LINGO2: variants seen among roughly 807,000 people sequenced by gnomAD.
The protein encoded by LINGO2 is leucine-rich repeat and immunoglobulin-like domain-containing nogo receptor-interacting protein 2.
LINGO2 carries 14 observed loss-of-function variants against 30.6 expected under a neutral mutation model. That is an observed-to-expected ratio of 0.46 (90% CI 0.30 to 0.72). The LOEUF is 0.72. LINGO2 is among the 30% of genes least tolerant of loss of function. The probability of loss-of-function intolerance (pLI) is 0.07; values close to 1 mark genes in which losing one functional copy is unlikely to be tolerated. For missense variants in LINGO2, 729 were observed against 751.7 expected (o/e 0.97, Z 0.35); for synonymous variants, 317 against 288.5 (o/e 1.10, Z -1.00).
intron 4 of LINGO2, among the ~76,000 whole-genome samples, chr9:28,197,262 T>C (rs1331974779): frequency 1.3e-5 from 2 of 151,798 alleles, no homozygotes; most frequent in African/African-American, 4.8e-5. Context: ...ACATGAAAAA[T>C]ATATGCAAGG....
At chr9:28,413,254 G>T (rs1247942136) in intron 2 of LINGO2, among the ~76,000 whole-genome samples, 1 of 151,886 alleles carries the variant, frequency 6.6e-6, no homozygotes, top group African/African-American at 2.4e-5. Flanking sequence ...ATTGTTTAAG[G>T]GTCATCTGAA....
At position 28,295,957 on chromosome 9, in the gene LINGO2, T is replaced by C. The variant is rs535580794; in HGVS notation, c.-245-591A>G. 7.9e-4 allele frequency among the ~76,000 whole-genome samples: 120 copies of C among 152,240 alleles called. 1 individual carries two copies. Among genetic ancestry groups the C allele is most frequent in the African/African-American group, 2.8e-3 (117 of 41,552 alleles). The stretch of plus-strand genomic sequence containing the variant: ...AATTCAGCAGCCACCATTATTGATA[T>C]CAACATACAGACTGTATGACAGTAA... On this transcript the variant is annotated intron_variant, in intron 3 of 5. Coordinates refer to ENST00000379992, the Ensembl canonical transcript of LINGO2.
chr9:29,110,379 C>T, the LINGO2 span, among the ~76,000 whole-genome samples: 1 of 152,162 alleles, frequency 6.6e-6, no homozygotes, highest in South Asian at 2.1e-4. Flanking sequence ...GTCGCCCAGG[C>T]TGGAGTGCAG....
the LINGO2 span, among the ~76,000 whole-genome samples, chr9:28,859,253 G>A: frequency 3.3e-5 from 5 of 151,838 alleles, no homozygotes; most frequent in Non-Finnish European, 7.4e-5. Context: ...TATTATTTGG[G>A]GAACAGGCTG....
chr9:28,215,662 T>C (rs748177292), intron 4 of LINGO2, among the ~76,000 whole-genome samples: 7 of 151,806 alleles, frequency 4.6e-5, no homozygotes, highest in Non-Finnish European at 8.8e-5. Context: ...TTTGTGTGTG[T>C]GTGTGAACTG....
At chr9:27,945,346 C>A (rs541793751), downstream of LINGO2, among the ~76,000 whole-genome samples, 2 of 152,224 alleles carry the variant, frequency 1.3e-5, no homozygotes, top group South Asian at 4.1e-4. Flanking sequence ...TCACAGAAGA[C>A]TGCAACTTCT....
At chr9:28,813,065 G>A in the LINGO2 span, among the ~76,000 whole-genome samples, 2 of 75,752 alleles carry the variant, frequency 2.6e-5, no homozygotes, top group Admixed American at 1.6e-4. Context: ...ATAGCCTACT[G>A]CAGTAAAAAA....
intron 4 of LINGO2, among the ~76,000 whole-genome samples, chr9:28,104,691 A>G (rs1826529610): frequency 6.6e-6 from 1 of 152,026 alleles, no homozygotes; most frequent in Non-Finnish European, 1.5e-5. Flanking sequence ...TTCTACTAAA[A>G]CTTACACATT....
intron 3 of LINGO2, among the ~76,000 whole-genome samples, chr9:28,372,523 GA>G (rs1820943839): frequency 6.6e-6 from 1 of 152,134 alleles, no homozygotes; most frequent in Non-Finnish European, 1.5e-5. Flanking sequence ...AGAATGGAAT[GA>G]TGATAGTCAA....
At chr9:28,533,189 G>C (rs1411629176) in intron 1 of LINGO2, among the ~76,000 whole-genome samples, 1 of 152,104 alleles carries the variant, frequency 6.6e-6, no homozygotes, top group Admixed American at 6.6e-5. Flanking sequence ...TTGCTCGGGT[G>C]CTGGTTGCTT....
At chr9:28,267,458 C>A (rs1315351104) in intron 4 of LINGO2, among the ~76,000 whole-genome samples, 1 of 152,016 alleles carries the variant, frequency 6.6e-6, no homozygotes, top group Non-Finnish European at 1.5e-5. Context: ...TTGTAGTTTT[C>A]TCTGGAATTT....
intron 4 of LINGO2, among the ~76,000 whole-genome samples, chr9:28,067,432 A>T (rs1452355): frequency 0.4 from 60,676 of 151,970 alleles, 12,375 homozygotes; most frequent in African/African-American, 0.44. Context: ...AAACAATTAT[A>T]TTTAAAAACA....
the LINGO2 span, among the ~76,000 whole-genome samples, chr9:28,714,437 G>T: frequency 2.6e-5 from 4 of 151,918 alleles, no homozygotes; most frequent in African/African-American, 9.7e-5. Flanking sequence ...TCTGTAATAT[G>T]CAGTGTTTTC....
the LINGO2 span, among the ~76,000 whole-genome samples, chr9:29,127,499 T>C: frequency 6.6e-6 from 1 of 152,142 alleles, no homozygotes; most frequent in Non-Finnish European, 1.5e-5. Context: ...GGACAGCACC[T>C]AAACATGGAG....
the LINGO2 span, among the ~76,000 whole-genome samples, chr9:29,016,604 A>G: frequency 1.3e-5 from 2 of 152,302 alleles, no homozygotes; most frequent in East Asian, 1.9e-4. Context: ...TATAAAAAAG[A>G]TTCATAACCT....
At chr9:28,925,806 A>C in the LINGO2 span, among the ~76,000 whole-genome samples, 4 of 152,180 alleles carry the variant, frequency 2.6e-5, no homozygotes, top group Non-Finnish European at 5.9e-5. Context: ...TCATTCACAG[A>C]AGCTCTTGTG....
At chr9:28,628,263 T>C (rs1826774762) in intron 1 of LINGO2, among the ~76,000 whole-genome samples, 1 of 152,090 alleles carries the variant, frequency 6.6e-6, no homozygotes, top group Non-Finnish European at 1.5e-5. Flanking sequence ...CTTCCTTTTG[T>C]AGAAAGCTGC....
the LINGO2 span, among the ~76,000 whole-genome samples, chr9:29,062,135 C>T: frequency 5.9e-5 from 9 of 152,034 alleles, no homozygotes; most frequent in Non-Finnish European, 1.3e-4. Context: ...CTTCACATCA[C>T]TTCATATTTT....
chr9:28,380,372 G>T (rs914895437), intron 2 of LINGO2, among the ~76,000 whole-genome samples: 1 of 138,420 alleles, frequency 7.2e-6, no homozygotes, highest in Non-Finnish European at 1.5e-5. Flanking sequence ...GTAAATCATT[G>T]ACTCAATGAC....
Sources: allele counts gnomAD v4.1 joint callset (sites outside exome capture counted in the v4.1 genomes callset), GRCh38; gene constraint gnomAD v4.1.1; transcripts MANE v1.5; gene names NCBI Gene and HGNC (gene_info 2026-07-23, HGNC 2026-07-21).